The following NELL1 variants were observed in gnomAD, a reference collection of about 807,000 sequenced individuals.
NELL1 encodes the protein neural EGFL like 1, also known as protein kinase C-binding protein NELL1.
A neutral mutation model predicts 107.4 loss-of-function variants in NELL1; 76 were observed. The ratio of observed to expected loss-of-function variants is 0.71; its 90% CI spans 0.59 to 0.86. The LOEUF (loss-of-function observed/expected upper bound fraction) is 0.86, where lower values mean the gene tolerates loss of function less well. Ranked by LOEUF, NELL1 falls within the 40% of genes least tolerant of loss-of-function variation. The pLI is 0.00. For missense variants in NELL1, 1,024 were observed against 1,005.5 expected (o/e 1.02, Z -0.25); for synonymous variants, 353 against 341.2 (o/e 1.03, Z -0.38).
intron 15 of NELL1, among the ~76,000 whole-genome samples, chr11:21,503,795 A>G (rs1328292338): frequency 6.6e-6 from 1 of 151,744 alleles, no homozygotes; most frequent in Non-Finnish European, 1.5e-5. Flanking sequence ...TCCATATACT[A>G]TTCTTTGCTT....
chr11:21,221,920 TG>T (rs1388584483), intron 13 of NELL1, among the ~76,000 whole-genome samples: 2 of 152,152 alleles, frequency 1.3e-5, no homozygotes, highest in African/African-American at 4.8e-5. Flanking sequence ...CTCTAACTCC[TG>T]GGCTCAAGCA....
chr11:20,913,352 AAG>A (rs1181225856), intron 5 of NELL1, among the ~76,000 whole-genome samples: 1 of 152,162 alleles, frequency 6.6e-6, no homozygotes, highest in Non-Finnish European at 1.5e-5. Context: ...AGCGTTAAAA[AAG>A]AATTAGCATT....
chr11:20,781,127 G>T (rs1019856149), intron 2 of NELL1, among the ~76,000 whole-genome samples: 1 of 152,184 alleles, frequency 6.6e-6, no homozygotes, highest in Non-Finnish European at 1.5e-5. Flanking sequence ...AGTGGCTTGG[G>T]CAAGAGTTTT....
At chr11:20,828,585 G>A (rs1050242600) in intron 3 of NELL1, among the ~76,000 whole-genome samples, 1 of 152,070 alleles carries the variant, frequency 6.6e-6, no homozygotes, top group Non-Finnish European at 1.5e-5. Context: ...ACTGTCTTGG[G>A]GTTCCTCTTA....
intron 15 of NELL1, among the ~76,000 whole-genome samples, chr11:21,444,128 C>A (rs1853359851): frequency 6.6e-6 from 1 of 152,188 alleles, no homozygotes; most frequent in East Asian, 1.9e-4. Context: ...TGAGATTATA[C>A]TCTAAAGAGT....
At chr11:21,283,100 A>G (rs1215697866) in intron 14 of NELL1, among the ~76,000 whole-genome samples, 1 of 152,194 alleles carries the variant, frequency 6.6e-6, no homozygotes, top group Non-Finnish European at 1.5e-5. Context: ...AATAAGACCT[A>G]GTATTCACTA....
rs372925560 is a variant in NELL1, at chr11:21,229,983, A to G, written c.1549+529A>G. 2.0e-5 allele frequency among the ~76,000 whole-genome samples: 3 copies of G among 152,118 alleles called. No homozygotes were observed. The East Asian group carries it at 5.8e-4, about 29-fold the overall frequency. ...CAGCATCTGGTCCCTGGCTCCTCAC[A>G]GCTGACACCTCTCTTTCCTCTCACC... is the stretch of plus-strand genomic sequence containing the variant. On this transcript the variant is annotated intron_variant, in intron 14 of 19. Coordinates refer to ENST00000357134, the MANE Select transcript of NELL1 (RefSeq NM_006157.5).
intron 15 of NELL1, among the ~76,000 whole-genome samples, chr11:21,423,698 A>G (rs1384447041): frequency 1.3e-5 from 2 of 152,210 alleles, no homozygotes; most frequent in Non-Finnish European, 2.9e-5. Flanking sequence ...TGCAAATGAG[A>G]TATTCTCTAG....
intron 16 of NELL1, among the ~76,000 whole-genome samples, chr11:21,537,082 C>A (rs936953638): frequency 6.6e-6 from 1 of 152,118 alleles, no homozygotes; most frequent in African/African-American, 2.4e-5. Flanking sequence ...GTCTGAATTT[C>A]TTTTTATTTC....
intron 2 of NELL1, among the ~76,000 whole-genome samples, chr11:20,692,040 C>A (rs1469684949): frequency 8.6e-5 from 13 of 151,826 alleles, no homozygotes; most frequent in Admixed American, 6.6e-4. Flanking sequence ...GGAATTTATC[C>A]ATTTCTTCTA....
chr11:21,548,299 G>T (rs548665794), intron 16 of NELL1, among the ~76,000 whole-genome samples: 1 of 151,978 alleles, frequency 6.6e-6, no homozygotes, highest in East Asian at 2.0e-4. Flanking sequence ...AATATTTGGA[G>T]AATCAATGTA....
chr11:21,209,124 C>T (rs1670661), intron 13 of NELL1, among the ~76,000 whole-genome samples: 109,270 of 151,914 alleles, frequency 0.72, 42,772 homozygotes, highest in Middle Eastern at 0.87. Flanking sequence ...TGGCACATAA[C>T]GGGTTTAGAT....
intron 2 of NELL1, among the ~76,000 whole-genome samples, chr11:20,701,594 C>G (rs1466890053): frequency 6.6e-6 from 1 of 152,104 alleles, no homozygotes; most frequent in African/African-American, 2.4e-5. Flanking sequence ...ATGCCTATGT[C>G]CTGAATGGTG....
chr11:20,701,476 G>A (rs1231810855), intron 2 of NELL1, among the ~76,000 whole-genome samples: 1 of 152,036 alleles, frequency 6.6e-6, no homozygotes, highest in Non-Finnish European at 1.5e-5. Flanking sequence ...CACTCTGATG[G>A]TAGTTTCTTT....
chr11:20,871,351 T>C (rs969955865), intron 4 of NELL1, among the ~76,000 whole-genome samples: 1 of 152,190 alleles, frequency 6.6e-6, no homozygotes, highest in Non-Finnish European at 1.5e-5. Flanking sequence ...CTTAATTTTA[T>C]AATAAATAAA....
At position 21,276,745 on chromosome 11, in the gene NELL1, A is replaced by G. The variant is rs142159141; in HGVS notation, c.1549+47291A>G. The stretch of plus-strand genomic sequence containing the variant: ...ACGGAGCCCTCAGAAATAATGCCAC[A>G]TATCTACAACCATCTGATCTTTGAC... On this transcript the variant is annotated intron_variant, in intron 14 of 19. Transcript: ENST00000357134. Among the ~76,000 whole-genome samples the G allele has an allele frequency of 7.0e-3, 1,071 of 152,318 alleles. 4 individuals carry two copies. The highest frequency in any genetic ancestry group is 0.012 in the Non-Finnish European group (804 of 68,036).
At chr11:20,973,936 T>C (rs568102232) in intron 12 of NELL1, among the ~76,000 whole-genome samples, 16 of 152,334 alleles carry the variant, frequency 1.1e-4, no homozygotes, top group African/African-American at 3.4e-4. Context: ...AGAAACTTGG[T>C]TTGTCAGATA....
At chr11:20,707,465 G>T (rs1362342717) in intron 2 of NELL1, among the ~76,000 whole-genome samples, 6 of 152,168 alleles carry the variant, frequency 3.9e-5, no homozygotes, top group Non-Finnish European at 5.9e-5. Context: ...AGAATTTTCA[G>T]CTTTCCTTCT....
intron 3 of NELL1, among the ~76,000 whole-genome samples, chr11:20,825,232 C>A (rs1456003512): frequency 1.3e-5 from 2 of 151,352 alleles, no homozygotes; most frequent in South Asian, 2.1e-4. Flanking sequence ...TCTGCTAGGG[C>A]AGTACAGAAA....
Sources: allele counts gnomAD v4.1 joint callset (sites outside exome capture counted in the v4.1 genomes callset), GRCh38; gene constraint gnomAD v4.1.1; transcripts MANE v1.5; gene names NCBI Gene and HGNC (gene_info 2026-07-23, HGNC 2026-07-21).